Variants in MYO5A observed in about 807,000 individuals in gnomAD.
The protein encoded by MYO5A is unconventional myosin-Va.
MYO5A carries 98 observed loss-of-function variants against 249.7 expected under a neutral mutation model. The ratio of observed to expected loss-of-function variants is 0.39; its 90% CI spans 0.33 to 0.46. The LOEUF (loss-of-function observed/expected upper bound fraction) is 0.46. Among genes scored for constraint, MYO5A ranks in the 20% least tolerant of loss-of-function variants. The pLI is 0.98. For synonymous variants in MYO5A, 778 were observed against 810.6 expected, an observed-to-expected ratio of 0.96 and a Z score of 0.68; for missense variants, 1,696 against 2,308.8, an observed-to-expected ratio of 0.73 and a Z score of 5.44.
chr15:52,390,560 CTTTT>C (rs548075503), intron 12 of MYO5A, among the ~76,000 whole-genome samples: 2 of 121,992 alleles, frequency 1.6e-5, no homozygotes, highest in Non-Finnish European at 1.7e-5. Context: ...TTTTTTTTTT[CTTTT>C]TTTTTTTTTT....
chr15:52,327,557 A>T (rs1174147809), intron 36 of MYO5A, among the ~76,000 whole-genome samples: 3 of 152,144 alleles, frequency 2.0e-5, no homozygotes, highest in Non-Finnish European at 4.4e-5. Context: ...AACATAAAAA[A>T]TTAGCTGGGC....
chr15:52,395,466 C>G (rs2042449630), intron 11 of MYO5A, among the ~76,000 whole-genome samples: 1 of 152,180 alleles, frequency 6.6e-6, no homozygotes, highest in African/African-American at 2.4e-5. Flanking sequence ...TGAGCTCTAT[C>G]TTCTAATTCC....
At chr15:52,381,782 TCACA>T (rs1555438778) in intron 16 of MYO5A, among the ~76,000 whole-genome samples, 15 of 137,866 alleles carry the variant, frequency 1.1e-4, no homozygotes, top group African/African-American at 3.1e-4. Context: ...TCTCTCTCTC[TCACA>T]CACACACACA....
At chr15:52,353,357 C>A (rs997534152) in intron 27 of MYO5A, among the ~76,000 whole-genome samples, 5 of 152,232 alleles carry the variant, frequency 3.3e-5, no homozygotes, top group Non-Finnish European at 7.3e-5. Flanking sequence ...CTAGAGTCCA[C>A]GTCCTTTACT....
intron 32 of MYO5A, among the ~76,000 whole-genome samples, 161 bp downstream of exon 32, chr15:52,340,035 T>C (rs2039305510): frequency 6.6e-6 from 1 of 152,162 alleles, no homozygotes; most frequent in African/African-American, 2.4e-5. Context: ...CCTACCAAAA[T>C]ATTTGTATTT....
At chr15:52,355,563 T>A (rs2040177883) in intron 25 of MYO5A, among the ~76,000 whole-genome samples, 1 of 152,374 alleles carries the variant, frequency 6.6e-6, no homozygotes, top group East Asian at 1.9e-4. Flanking sequence ...AAATAAATAG[T>A]TATTATACTG....
intron 25 of MYO5A, among the ~76,000 whole-genome samples, chr15:52,358,093 G>A (rs1211341253): frequency 6.6e-6 from 1 of 152,194 alleles, no homozygotes. Context: ...CACCAAGCAG[G>A]AGGAGCACTG....
intron 31 of MYO5A, among the ~76,000 whole-genome samples, chr15:52,342,055 GATA>G (rs746317835): frequency 6.6e-6 from 1 of 152,110 alleles, no homozygotes; most frequent in Non-Finnish European, 1.5e-5. Context: ...TAGACAGCAT[GATA>G]ATAATATATA....
intron 1 of MYO5A, among the ~76,000 whole-genome samples, chr15:52,506,523 T>C (rs2077275457): frequency 7.0e-6 from 1 of 142,670 alleles, no homozygotes; most frequent in Non-Finnish European, 1.5e-5. Flanking sequence ...TGAGACCCTT[T>C]CTCAAAAAAA....
In MYO5A at chr15:52,346,346, G is replaced by C. The variant is rs998057103; in HGVS notation, c.3959+15C>G. On this transcript the variant is annotated intron_variant, in intron 30 of 41. Coordinates refer to ENST00000399233, the MANE Select transcript of MYO5A (RefSeq NM_001382347.1). ...TATAATTAAACCAAAATGAATAAAA[G>C]AAGGATCAACTTACCTATTTGTTTC... The C allele has an allele frequency of 1.4e-6, 2 of 1,471,930 alleles. No individual in the cohort carries two copies. The highest frequency in any genetic ancestry group is 1.9e-6 in the Non-Finnish European group (2 of 1,054,294). The allele number at this position is 1,471,930 out of a possible 1,614,324, so 91.2% of individuals were successfully genotyped here.
intron 5 of MYO5A, among the ~76,000 whole-genome samples, chr15:52,411,243 G>C (rs539891223): frequency 6.6e-6 from 1 of 152,100 alleles, no homozygotes; most frequent in Non-Finnish European, 1.5e-5. Flanking sequence ...TGGTGTTCAG[G>C]GTCTCTTTAG....
chr15:52,491,050 A>T (rs1433799077), intron 1 of MYO5A, among the ~76,000 whole-genome samples: 1 of 152,134 alleles, frequency 6.6e-6, no homozygotes, highest in Non-Finnish European at 1.5e-5. Context: ...TGTACTTAAC[A>T]TTACTGACCT....
chr15:52,504,283 T>C (rs2077220341), intron 1 of MYO5A, among the ~76,000 whole-genome samples: 1 of 152,166 alleles, frequency 6.6e-6, no homozygotes, highest in Non-Finnish European at 1.5e-5. Flanking sequence ...TCCTTGCCTC[T>C]GTCATGTTCA....
chr15:52,485,259 TAAAA>T (rs72085613), intron 1 of MYO5A, among the ~76,000 whole-genome samples: 393 of 102,728 alleles, frequency 3.8e-3, no homozygotes, highest in East Asian at 0.01. Flanking sequence ...ATTCACTATG[TAAAA>T]AAAAAAAAAA....
intron 1 of MYO5A, among the ~76,000 whole-genome samples, chr15:52,481,415 T>C (rs66920283): frequency 0.15 from 22,884 of 152,264 alleles, 1,833 homozygotes; most frequent in Middle Eastern, 0.22. Flanking sequence ...GTTCTAAGAA[T>C]TGCAGAAACA....
At chr15:52,348,435 C>T (rs1334230316) in intron 29 of MYO5A, among the ~76,000 whole-genome samples, 1 of 152,168 alleles carries the variant, frequency 6.6e-6, no homozygotes, top group Non-Finnish European at 1.5e-5. Context: ...CCTCAGGCTC[C>T]CCTTCACCCT....
At chr15:52,470,109 T>G (rs1412801068) in intron 1 of MYO5A, among the ~76,000 whole-genome samples, 3 of 152,240 alleles carry the variant, frequency 2.0e-5, no homozygotes, top group Admixed American at 2.0e-4. Context: ...AATGGCACCT[T>G]CAATGGTGTA....
chr15:52,339,593 T>C (rs2039287090), intron 32 of MYO5A, among the ~76,000 whole-genome samples: 1 of 151,620 alleles, frequency 6.6e-6, no homozygotes, highest in South Asian at 2.1e-4. Context: ...GTTTAGAATC[T>C]GACAAGGAAA....
intron 1 of MYO5A, among the ~76,000 whole-genome samples, chr15:52,499,514 G>A (rs1380405838): frequency 2.0e-5 from 3 of 152,082 alleles, no homozygotes; most frequent in Admixed American, 6.6e-5. Flanking sequence ...TCAGCCACTA[G>A]GAGCAACTAT....
Sources: allele counts gnomAD v4.1 joint callset (sites outside exome capture counted in the v4.1 genomes callset), GRCh38; gene constraint gnomAD v4.1.1; transcripts MANE v1.5; gene names NCBI Gene and HGNC (gene_info 2026-07-23, HGNC 2026-07-21).